NCALD: variants seen among roughly 807,000 people sequenced by gnomAD.
NCALD encodes the protein neurocalcin-delta.
In NCALD, 10 loss-of-function variants were observed where a neutral mutation model predicts 18.6. That is an observed-to-expected ratio of 0.54 (90% CI 0.33 to 0.91). NCALD has a LOEUF of 0.91. Among genes scored for constraint, NCALD ranks in the 40% least tolerant of loss-of-function variants. NCALD has a pLI of 0.03. For missense variants in NCALD, 184 were observed against 247.6 expected, an observed-to-expected ratio of 0.74 and a Z score of 1.72; for synonymous variants, 88 against 87.4, an observed-to-expected ratio of 1.01 and a Z score of -0.04.
chr8:101,832,716 C>T (rs989027553), intron 4 of NCALD, among the ~76,000 whole-genome samples: 2 of 152,146 alleles, frequency 1.3e-5, no homozygotes, highest in African/African-American at 4.8e-5. Flanking sequence ...AAAATATTTC[C>T]TCATATAAAT....
intron 3 of NCALD, among the ~76,000 whole-genome samples, chr8:101,893,130 A>T (rs375162151): frequency 7.9e-5 from 12 of 151,886 alleles, no homozygotes; most frequent in Non-Finnish European, 1.3e-4. Context: ...CAGGTTACCC[A>T]CAAAGGGAAG....
intron 1 of NCALD, among the ~76,000 whole-genome samples, chr8:102,058,279 T>C (rs1023664262): frequency 1.3e-5 from 2 of 152,230 alleles, no homozygotes; most frequent in African/African-American, 2.4e-5. Context: ...AACAATTCAA[T>C]GACTAGTTGT....
chr8:101,807,760 C>T (rs2131122058), intron 4 of NCALD, among the ~76,000 whole-genome samples: 2 of 152,286 alleles, frequency 1.3e-5, no homozygotes, highest in East Asian at 1.9e-4. Context: ...AGCACCCTTG[C>T]ATTGTGCTTT....
intron 4 of NCALD, among the ~76,000 whole-genome samples, chr8:101,813,371 T>G (rs1356232482): frequency 2.0e-5 from 3 of 151,964 alleles, no homozygotes; most frequent in Non-Finnish European, 2.9e-5. Flanking sequence ...AATTCCAGAA[T>G]GCTAAGAAGA....
At chr8:101,949,045 G>T (rs575825978) in intron 2 of NCALD, among the ~76,000 whole-genome samples, 98 of 152,296 alleles carry the variant, frequency 6.4e-4, no homozygotes, top group African/African-American at 2.4e-3. Flanking sequence ...CATTTAGTCT[G>T]CCAGGTGCCA....
intron 2 of NCALD, among the ~76,000 whole-genome samples, chr8:101,992,856 G>C (rs556701930): frequency 6.6e-6 from 1 of 151,922 alleles, no homozygotes; most frequent in Admixed American, 6.6e-5. Flanking sequence ...ACTATGTGCT[G>C]AGCAATGTGC....
At position 102,082,286 on chromosome 8, in the gene NCALD, G is replaced by A. The variant is rs542484719; in HGVS notation, c.-210+41951C>T. Among the ~76,000 whole-genome samples the A allele has an allele frequency of 6.0e-5, 8 of 132,852 alleles. No homozygotes were observed. In the South Asian group the frequency reaches 1.5e-3, roughly 25 times the overall value. The allele number at this position is 132,852 out of a possible 152,430, so 87.2% of individuals were successfully genotyped here. A position where few individuals can be genotyped will look rare whatever the true frequency, so the allele number is the denominator to read the frequency against. On this transcript the variant is annotated intron_variant, in intron 1 of 6. Coordinates refer to the NCALD transcript ENST00000311028. ...CTCGCTCTGTCGCCCAGGCTGGAGT[G>A]CAGTGGCGCAGTCTGGGCTCACTGC...
chr8:101,951,087 T>C (rs1461227447), intron 2 of NCALD, among the ~76,000 whole-genome samples: 1 of 152,188 alleles, frequency 6.6e-6, no homozygotes, highest in Non-Finnish European at 1.5e-5. Context: ...CAGCCCTCCT[T>C]CTGGGAGAAT....
At chr8:102,100,301 G>A (rs529584819) in intron 1 of NCALD, among the ~76,000 whole-genome samples, 1 of 152,112 alleles carries the variant, frequency 6.6e-6, no homozygotes, top group East Asian at 1.9e-4. Context: ...AACTCAAGGA[G>A]GAATAAATCA....
At chr8:102,079,673 T>A (rs536304209) in intron 1 of NCALD, among the ~76,000 whole-genome samples, 5 of 152,254 alleles carry the variant, frequency 3.3e-5, no homozygotes, top group African/African-American at 4.8e-5. Context: ...GAGCCCTATG[T>A]ATAGCAACAA....
chr8:101,773,274 G>A (rs1042410887), intron 1 of NCALD, among the ~76,000 whole-genome samples: 1 of 152,100 alleles, frequency 6.6e-6, no homozygotes, highest in African/African-American at 2.4e-5. Context: ...GTTCTCAGCT[G>A]CACCCCTCCC....
chr8:102,106,825 A>G (rs1442936021), intron 1 of NCALD, among the ~76,000 whole-genome samples: 1 of 152,104 alleles, frequency 6.6e-6, no homozygotes, highest in Non-Finnish European at 1.5e-5. Context: ...TCTATAGACC[A>G]TTCTGTCTTT....
At chr8:101,703,517 A>G (rs1287787384) in intron 2 of NCALD, among the ~76,000 whole-genome samples, 9 of 152,286 alleles carry the variant, frequency 5.9e-5, no homozygotes, top group African/African-American at 1.9e-4. Context: ...AGCAGCAACC[A>G]CAAACCCAAA....
chr8:101,731,821 T>A (rs1080598), intron 1 of NCALD, among the ~76,000 whole-genome samples: 39,701 of 152,012 alleles, frequency 0.26, 8,385 homozygotes, highest in African/African-American at 0.59. Flanking sequence ...AGGGGTACTT[T>A]CACTGCATGC....
intron 2 of NCALD, among the ~76,000 whole-genome samples, chr8:101,996,400 T>A (rs1254732766): frequency 6.6e-6 from 1 of 152,240 alleles, no homozygotes; most frequent in Non-Finnish European, 1.5e-5. Flanking sequence ...AATTATAAAC[T>A]AACCAAGGAC....
intron 1 of NCALD, among the ~76,000 whole-genome samples, chr8:102,030,640 C>T (rs1362923955): frequency 3.3e-5 from 5 of 152,254 alleles, no homozygotes; most frequent in East Asian, 1.9e-4. Context: ...CCAGCACTTT[C>T]GGAGTTGGGC....
chr8:102,117,020 T>C (rs1825810219), intron 1 of NCALD, among the ~76,000 whole-genome samples: 1 of 152,178 alleles, frequency 6.6e-6, no homozygotes, highest in Non-Finnish European at 1.5e-5. Context: ...GCTCTAGTGA[T>C]GCAACCTCAT....
At chr8:101,827,809 C>A (rs988644686) in intron 4 of NCALD, among the ~76,000 whole-genome samples, 2 of 152,180 alleles carry the variant, frequency 1.3e-5, no homozygotes, top group Non-Finnish European at 2.9e-5. Flanking sequence ...CACAATCAAC[C>A]ACTGATTTTT....
At chr8:101,946,291 T>G (rs1002836410) in intron 2 of NCALD, among the ~76,000 whole-genome samples, 13 of 152,172 alleles carry the variant, frequency 8.5e-5, no homozygotes, top group African/African-American at 3.1e-4. Context: ...TGTGCTAATC[T>G]CAGGGGATAC....
Sources: gnomAD v4.1 joint callset for allele counts (sites outside exome capture counted in the v4.1 genomes callset) on GRCh38, gnomAD v4.1.1 for gene constraint, MANE v1.5 for transcripts, NCBI Gene and HGNC (gene_info 2026-07-23, HGNC 2026-07-21) for gene names.